Variants in TELO2 observed in about 807,000 individuals in gnomAD.
TELO2 encodes telomere maintenance 2.
In TELO2, 71 loss-of-function variants were observed where a neutral mutation model predicts 91.0. The ratio of observed to expected loss-of-function variants is 0.78; its 90% confidence interval spans 0.64 to 0.95. The LOEUF is 0.95. TELO2 is among the 40% of genes least tolerant of loss of function. The pLI is 0.00. For missense variants in TELO2, 1,183 were observed against 1,141.3 expected, an observed-to-expected ratio of 1.04 and a Z score of -0.53; for synonymous variants, 584 against 518.9, an observed-to-expected ratio of 1.13 and a Z score of -1.71.
intron 6 of TELO2, among the ~76,000 whole-genome samples, chr16:1,499,690 G>A (rs2039608091): frequency 6.6e-6 from 1 of 152,164 alleles, no homozygotes. Context: ...CCCATGGCCT[G>A]GAGCCCGGAG....
At position 1,502,307 on chromosome 16, in the gene TELO2, G is replaced by T. The variant is rs750483876; in HGVS notation, c.1562-6G>T. On this transcript the variant is annotated splice_region_variant and splice_polypyrimidine_tract_variant and intron_variant, in intron 12 of 20. Coordinates refer to ENST00000262319, the MANE Select transcript of TELO2 (RefSeq NM_016111.4). Reference sequence around the variant, plus strand: ...GCTGACCGAGGCCTCTCTGGGTTCTGTGCAGCCCTGACCACGTCTGAGGAC... The same window carrying T: ...GCTGACCGAGGCCTCTCTGGGTTCTTTGCAGCCCTGACCACGTCTGAGGAC... 1 of 1,601,152 alleles carries T rather than the reference G, an allele frequency of 6.2e-7. No individual in the cohort carries two copies. The highest frequency in any genetic ancestry group is 1.7e-5 in the Admixed American group (1 of 58,202).
chr16:1,506,659 T>C, intron 17 of TELO2: 1 of 1,373,328 alleles, frequency 7.3e-7, no homozygotes, highest in Admixed American at 3.1e-5. Flanking sequence ...GGCCCCACGT[T>C]CAGGGCGTGA....
At position 1,499,273 on chromosome 16, in the gene TELO2, G is replaced by A; in HGVS notation, c.873G>A (p.Lys291=). 4 of 1,614,068 alleles carry A rather than the reference G, an allele frequency of 2.5e-6. No individual in the cohort carries two copies. Among genetic ancestry groups the A allele is most frequent in the Non-Finnish European group, 3.4e-6 (4 of 1,180,012 alleles). The stretch of plus-strand genomic sequence containing the variant: ...GACTGCTGGGGAACCTGGTGGTGAA[G>A]AACAAGAAGGCCCAGTTTGTGATGA... The part of the protein sequence containing the change: ...LSRLLGNLVV[K]NKKAQFVMTQ... The change falls in exon 6 of 21, where the codon AAG becomes AAA. Residue 291 remains lysine (K), a synonymous_variant. Transcript: ENST00000262319.
At chr16:1,508,211 C>T (rs545363484) in intron 20 of TELO2, among the ~76,000 whole-genome samples, 11 of 152,288 alleles carry the variant, frequency 7.2e-5, no homozygotes, top group South Asian at 4.1e-4. Context: ...TGGCTCACTG[C>T]GACCTCCGCC....
intron 15 of TELO2, chr16:1,504,991 G>T (rs1316489367): frequency 1.2e-5 from 2 of 164,338 alleles, no homozygotes; most frequent in Non-Finnish European, 2.7e-5. Context: ...CTGTTGAGAA[G>T]GTGTCCTAGA....
chr16:1,507,750 T>G (rs749062483), intron 20 of TELO2, 34 bp downstream of exon 20: 1 of 1,447,296 alleles, frequency 6.9e-7, no homozygotes, highest in Admixed American at 2.9e-5. Flanking sequence ...GTGTGAGATG[T>G]GTGTCGGCCC....
At chr16:1,500,756 C>T in intron 9 of TELO2, 57 bp downstream of exon 9, 3 of 1,588,138 alleles carry the variant, frequency 1.9e-6, no homozygotes, top group Non-Finnish European at 2.6e-6. Context: ...TCCCGAGCGG[C>T]TGCCTCTCCA....
intron 17 of TELO2, 95 bp downstream of exon 17, chr16:1,506,424 T>C (rs758027202): frequency 2.2e-4 from 349 of 1,606,916 alleles, no homozygotes; most frequent in Non-Finnish European, 2.9e-4. Flanking sequence ...CTGAGTGGGT[T>C]TGGGTGTGAA....
In TELO2 at chr16:1,494,228, C is replaced by A; in HGVS notation, c.-36-18C>A. On this transcript the variant is annotated intron_variant, in intron 1 of 20. Coordinates refer to ENST00000262319, the MANE Select transcript of TELO2 (RefSeq NM_016111.4). The surrounding 1 kb of genome is among the most constrained non-coding windows in gnomAD (Gnocchi z 5.6). ...ATTATTTCCGTGCCCCAAGCTGAGC[C>A]CTGTGTCCATGTCACAGGTCGTCTT... 1 of 1,548,378 alleles carries A rather than the reference C, an allele frequency of 6.5e-7. No homozygotes were observed. The highest frequency in any genetic ancestry group is 8.8e-7 in the Non-Finnish European group (1 of 1,133,154).
At chr16:1,508,133 TTTTG>T (rs558062571) in intron 20 of TELO2, among the ~76,000 whole-genome samples, 357 of 150,644 alleles carry the variant, frequency 2.4e-3, no homozygotes, top group Non-Finnish European at 4.1e-3. Context: ...CCTGGCAACT[TTTTG>T]TTTGTTTGTT....
rs1258718452 is a variant in TELO2, at chr16:1,497,803, C to T, written c.830+295C>T. On this transcript the variant is annotated intron_variant, in intron 5 of 20. Transcript: ENST00000262319. This position sits in a 1 kb window ranked among gnomAD's most constrained non-coding sequence, Gnocchi z 4.0. Reference sequence around the variant, plus strand: ...CTGCGCCTGTGGTCCCCCTCGCACACGTGTGCACCATGTCCAGGCTCTGAC... The same window carrying T: ...CTGCGCCTGTGGTCCCCCTCGCACATGTGTGCACCATGTCCAGGCTCTGAC... Among the ~76,000 whole-genome samples the T allele has an allele frequency of 6.6e-6, 1 of 152,188 alleles. No individual in the cohort carries two copies. Among genetic ancestry groups the T allele is most frequent in the African/African-American group, 2.4e-5 (1 of 41,454 alleles).
rs1200219699 is a variant in TELO2, at chr16:1,499,245, C to T, written c.845C>T (p.Ser282Leu). 19 of 1,613,866 alleles carry T rather than the reference C, an allele frequency of 1.2e-5. No individual in the cohort carries two copies. Among genetic ancestry groups the T allele is most frequent in the East Asian group, 2.2e-5 (1 of 44,894 alleles). Residue 282 changes from serine to leucine, a missense_variant, in exon 6 of 21, where the codon TCG (serine) becomes TTG (leucine). Physicochemically the swap from Ser to Leu is moderately radical, Grantham distance 145 (BLOSUM62 -2). Transcript: ENST00000262319. Reference protein sequence around the residue: ...VEAALGPEVLSRLLGNLVVKN... With the variant: ...VEAALGPEVLLRLLGNLVVKN... ...CTGTCTTGCAGGCCTGAGGTCCTTTCGAGACTGCTGGGGAACCTGGTGGTG... is the reference window on the plus strand; with the variant it reads ...CTGTCTTGCAGGCCTGAGGTCCTTTTGAGACTGCTGGGGAACCTGGTGGTG...
intron 18 of TELO2, 117 bp downstream of exon 18, chr16:1,507,168 C>T: frequency 6.7e-7 from 1 of 1,487,950 alleles, no homozygotes; most frequent in African/African-American, 1.4e-5. Context: ...TGTGTGGGCC[C>T]CCGGGCAGCG....
Position 1,500,483 on chromosome 16 carries a change from G to A in TELO2, c.1139G>A (p.Arg380Gln), listed in dbSNP as rs763899307. 30 of 1,610,506 alleles carry A rather than the reference G, an allele frequency of 1.9e-5. No individual in the cohort carries two copies. The highest frequency in any genetic ancestry group is 2.2e-5 in the East Asian group (1 of 44,802). ...GGGGAGCCGGAACTGCGGGACAGCCGGGATGGTGAGCGGGTGGTTTGGGCT... is the reference window on the plus strand; with the variant it reads ...GGGGAGCCGGAACTGCGGGACAGCCAGGATGGTGAGCGGGTGGTTTGGGCT... ...QLGEPELRDS[R>Q]DELLASMMAG... The change falls in exon 8 of 21, where the codon CGG becomes CAG. Residue 380 changes from arginine to glutamine, a missense_variant. Physicochemically the swap from Arg to Gln is conservative, Grantham distance 43 (BLOSUM62 1). Coordinates refer to ENST00000262319, the MANE Select transcript of TELO2 (RefSeq NM_016111.4).
In TELO2 at chr16:1,493,613, T is replaced by TGGGGGTC. The variant is rs977055611; in HGVS notation, c.-37+13_-37+19dup. The TGGGGGTC allele has an allele frequency of 4.0e-5, 6 of 149,992 alleles. No individual in the cohort carries two copies. Among genetic ancestry groups the TGGGGGTC allele is most frequent in the Admixed American group, 1.3e-4 (2 of 15,158 alleles). 9.3% of individuals were successfully genotyped at this position (149,992 alleles called of 1,614,324 possible). ...CCCGGGAGCCGGGTCCAGGTCGGGT[T>TGGGGGTC]GGGGGTCGGGGATCGGGGATCGGGG... On this transcript the variant is annotated intron_variant, in intron 1 of 20. Coordinates refer to ENST00000262319, the MANE Select transcript of TELO2 (RefSeq NM_016111.4). The surrounding 1 kb of genome is among the most constrained non-coding windows in gnomAD (Gnocchi z 4.3).
chr16:1,500,753 CG>C, intron 9 of TELO2, 54 bp downstream of exon 9: 1 of 1,589,248 alleles, frequency 6.3e-7, no homozygotes, highest in Non-Finnish European at 8.5e-7. Context: ...GTCTCCCGAG[CG>C]GCTGCCTCTC....
chr16:1,507,319 TG>T lies in TELO2; in HGVS notation c.2243del (p.Gly748AlafsTer43). The T allele has an allele frequency of 6.2e-7, 1 of 1,609,970 alleles. No homozygotes were observed. On this transcript the variant is annotated frameshift_variant, in exon 19 of 21. Transcript: ENST00000262319. LOFTEE classifies it high-confidence loss of function. ...GCTGGTGTCCAGGTGGCTGTGGCCA[TG>T]GGCAAGGCCCTGCTGGAATTCGTGT... is the stretch of plus-strand genomic sequence containing the variant. ...LAVNTTVAVA[M>X]GKALLEFVWA...
At chr16:1,501,002 G>A (rs2039658744) in intron 9 of TELO2, among the ~76,000 whole-genome samples, 1 of 152,228 alleles carries the variant, frequency 6.6e-6, no homozygotes, top group Non-Finnish European at 1.5e-5. Flanking sequence ...CAGTTTGTCC[G>A]GCCGGGGCTG....
rs2039963479 is a variant in TELO2, at chr16:1,507,852, GT to G, written c.2407+137del. On this transcript the variant is annotated intron_variant, in intron 20 of 20. Transcript: ENST00000262319. The stretch of plus-strand genomic sequence containing the variant: ...TGTGTGATGTGTGTTGGCCCGGGGT[GT>G]GTGTGTGTGTGTGTGTGTGTGTGTG... The G allele has an allele frequency of 7.9e-4, 17 of 21,590 alleles. 1 individual carries two copies. Among genetic ancestry groups the G allele is most frequent in the Middle Eastern group, 9.8e-3 (1 of 102 alleles). The allele number at this position is 21,590 out of a possible 1,614,324, so 1.3% of individuals were successfully genotyped here.
Sources: allele counts gnomAD v4.1 joint callset (sites outside exome capture counted in the v4.1 genomes callset), GRCh38; gene constraint gnomAD v4.1.1; non-coding constraint Gnocchi (gnomAD v3.1); transcripts MANE v1.5; gene names NCBI Gene and HGNC (gene_info 2026-07-23, HGNC 2026-07-21).